Variants in INPP4B observed in about 807,000 individuals in gnomAD.
The protein encoded by INPP4B is inositol polyphosphate 4-phosphatase type II.
In INPP4B, 55 loss-of-function variants were observed where a neutral mutation model predicts 122.5. The observed-to-expected ratio is 0.45, with a 90% CI of 0.36 to 0.56. INPP4B has a LOEUF of 0.56. Among genes scored for constraint, INPP4B ranks in the 20% least tolerant of loss-of-function variants. The pLI, the probability that INPP4B is intolerant of heterozygous loss-of-function variation, is 0.00. For missense variants in INPP4B, 1,000 were observed against 1,097.7 expected (o/e 0.91, Z 1.26); for synonymous variants, 403 against 388.7 (o/e 1.04, Z -0.43).
At chr4:142,360,441 T>C (rs190172451) in intron 7 of INPP4B, among the ~76,000 whole-genome samples, 2 of 152,110 alleles carry the variant, frequency 1.3e-5, no homozygotes, top group Non-Finnish European at 2.9e-5. Flanking sequence ...AAATCATCAT[T>C]GCAGAAGCAA....
At chr4:142,298,903 G>C (rs368644702) in intron 9 of INPP4B, among the ~76,000 whole-genome samples, 1 of 151,980 alleles carries the variant, frequency 6.6e-6, no homozygotes, top group Non-Finnish European at 1.5e-5. Context: ...TTAGAAGATT[G>C]AGGCGAACAG....
Position 142,756,891 on chromosome 4 carries a change from G to T in INPP4B, c.-253-30990C>A, listed in dbSNP as rs145651959. Among the ~76,000 whole-genome samples the T allele has an allele frequency of 5.0e-3, 754 of 152,164 alleles. 4 individuals are homozygous for T. The highest frequency in any genetic ancestry group is 7.4e-3 in the Non-Finnish European group (501 of 67,964). On this transcript the variant is annotated intron_variant, in intron 1 of 25. Transcript: ENST00000262992. Reference sequence around the variant, plus strand: ...AATAAATGTAAAGTCATAGATTTACGTCCCAGAAAATGTAGTGTACAAATT... The same window carrying T: ...AATAAATGTAAAGTCATAGATTTACTTCCCAGAAAATGTAGTGTACAAATT...
chr4:142,524,734 A>G (rs2149948070), intron 2 of INPP4B, among the ~76,000 whole-genome samples: 1 of 152,278 alleles, frequency 6.6e-6, no homozygotes, highest in East Asian at 1.9e-4. Flanking sequence ...GACGGGACGT[A>G]TTTCAAAATA....
At chr4:142,505,201 T>C (rs1428887170) in intron 2 of INPP4B, among the ~76,000 whole-genome samples, 2 of 150,138 alleles carry the variant, frequency 1.3e-5, no homozygotes, top group African/African-American at 4.9e-5. Context: ...ATTGTGTCAC[T>C]GAACTCCAGC....
chr4:142,747,001 C>A (rs1280761522), intron 1 of INPP4B, among the ~76,000 whole-genome samples: 1 of 152,070 alleles, frequency 6.6e-6, no homozygotes, highest in Non-Finnish European at 1.5e-5. Context: ...GCAATGGCAA[C>A]AAAAGCCAAA....
At chr4:142,646,052 G>A (rs1751707053) in intron 2 of INPP4B, among the ~76,000 whole-genome samples, 1 of 152,160 alleles carries the variant, frequency 6.6e-6, no homozygotes, top group South Asian at 2.1e-4. Flanking sequence ...AGGGTAAACT[G>A]AAGGATGACT....
intron 25 of INPP4B, 119 bp from the exon 26 acceptor site, chr4:142,029,033 A>G: frequency 1.5e-6 from 2 of 1,324,988 alleles, no homozygotes; most frequent in East Asian, 2.8e-5. Context: ...TCAACTCTAC[A>G]TTTTTTTTTT....
At chr4:142,239,946 G>T (rs1225858450) in intron 11 of INPP4B, among the ~76,000 whole-genome samples, 1 of 151,294 alleles carries the variant, frequency 6.6e-6, no homozygotes, top group Non-Finnish European at 1.5e-5. Context: ...CTTGGATTTT[G>T]CTTGCCTTTT....
intron 2 of INPP4B, among the ~76,000 whole-genome samples, chr4:142,636,735 T>C (rs1200081803): frequency 6.6e-6 from 1 of 152,148 alleles, no homozygotes; most frequent in Non-Finnish European, 1.5e-5. Flanking sequence ...AGAATTACTT[T>C]TGCTATATAT....
chr4:142,733,059 T>C (rs192206588), intron 1 of INPP4B, among the ~76,000 whole-genome samples: 3 of 152,184 alleles, frequency 2.0e-5, no homozygotes, highest in Admixed American at 6.5e-5. Context: ...TTTGACAATG[T>C]AGAACAGTAG....
intron 4 of INPP4B, among the ~76,000 whole-genome samples, chr4:142,429,467 G>A (rs769739320): frequency 1.3e-5 from 2 of 152,000 alleles, no homozygotes; most frequent in African/African-American, 2.4e-5. Context: ...ACCAAGAAAT[G>A]TTTTTGTAAG....
rs543815441 is a variant in INPP4B, at chr4:142,062,018, T to A, written c.2642+20013A>T. Among the ~76,000 whole-genome samples the A allele has an allele frequency of 3.3e-4, 50 of 151,958 alleles. 1 individual carries two copies. The South Asian group carries it at 0.01, about 32-fold the overall frequency. On this transcript the variant is annotated intron_variant, in intron 25 of 25. Transcript: ENST00000262992. ...CAATTTACTCTTCAATTTCAGTTAC[T>A]TTATTTGGATCACAAGTCTTGCAAG...
At chr4:142,560,377 TAGTC>T (rs1228340634) in intron 2 of INPP4B, 6 of 152,190 alleles carry the variant, frequency 3.9e-5, no homozygotes, top group Non-Finnish European at 5.9e-5. Context: ...ACTACTGTAT[TAGTC>T]AGAGTTCTCT....
At chr4:142,386,135 G>A (rs917832086) in intron 7 of INPP4B, among the ~76,000 whole-genome samples, 1 of 152,052 alleles carries the variant, frequency 6.6e-6, no homozygotes, top group African/African-American at 2.4e-5. Flanking sequence ...CCATGCAGAT[G>A]TGTCTTTCTG....
At chr4:142,646,710 G>A (rs1751863717) in intron 2 of INPP4B, among the ~76,000 whole-genome samples, 1 of 152,184 alleles carries the variant, frequency 6.6e-6, no homozygotes, top group Non-Finnish European at 1.5e-5. Context: ...AAAGAAAAGT[G>A]CAAAGAAATC....
intron 2 of INPP4B, among the ~76,000 whole-genome samples, chr4:142,669,913 T>C (rs550100880): frequency 1.3e-5 from 2 of 152,280 alleles, no homozygotes; most frequent in African/African-American, 4.8e-5. Context: ...CAGCCTTTAC[T>C]GGGAAAAGTA....
At chr4:142,156,050 C>T (rs336392) in intron 17 of INPP4B, among the ~76,000 whole-genome samples, 148,904 of 149,968 alleles carry the variant, frequency 0.99, 73,930 homozygotes, top group South Asian at 1. Context: ...TTAAATTTGG[C>T]TTATATTTGT....
chr4:142,631,060 C>T (rs1279715895), intron 2 of INPP4B, among the ~76,000 whole-genome samples: 1 of 151,966 alleles, frequency 6.6e-6, no homozygotes, highest in African/African-American at 2.4e-5. Flanking sequence ...ACTATTTTAC[C>T]ATATAATCCA....
At chr4:142,442,189 G>A (rs1454152557) in intron 3 of INPP4B, among the ~76,000 whole-genome samples, 3 of 151,982 alleles carry the variant, frequency 2.0e-5, no homozygotes, top group Admixed American at 6.6e-5. Flanking sequence ...GAGGTGGGTG[G>A]ATCATGAGGT....
Sources: gnomAD v4.1 joint callset for allele counts (sites outside exome capture counted in the v4.1 genomes callset) on GRCh38, gnomAD v4.1.1 for gene constraint, MANE v1.5 for transcripts, NCBI Gene and HGNC (gene_info 2026-07-23, HGNC 2026-07-21) for gene names.